Variants in PRDM5 observed in about 807,000 individuals in gnomAD.
PRDM5 encodes PR domain zinc finger protein 5.
In PRDM5, 56 loss-of-function variants were observed where a neutral mutation model predicts 81.2. The observed-to-expected ratio is 0.69, with a 90% CI of 0.56 to 0.86. The LOEUF is 0.86. Among genes scored for constraint, PRDM5 ranks in the 40% least tolerant of loss-of-function variants. The pLI, the probability that PRDM5 is intolerant of heterozygous loss-of-function variation, is 0.00. For missense variants in PRDM5, 697 were observed against 770.1 expected, an observed-to-expected ratio of 0.91 and a Z score of 1.12; for synonymous variants, 267 against 256.4, an observed-to-expected ratio of 1.04 and a Z score of -0.39.
intron 3 of PRDM5, among the ~76,000 whole-genome samples, chr4:120,824,127 A>T (rs765699764): frequency 6.6e-6 from 1 of 152,180 alleles, no homozygotes; most frequent in Non-Finnish European, 1.5e-5. Context: ...ATTTTTTAAT[A>T]CATTACCCAG....
In PRDM5 at chr4:120,695,270, A is replaced by G. The variant is rs551558272; in HGVS notation, c.1734T>C (p.Cys578=). 44 of 1,613,336 alleles carry G rather than the reference A, an allele frequency of 2.7e-5. 1 individual carries two copies. In the South Asian group the frequency reaches 4.3e-4, roughly 16 times the overall value. Residue 578 remains cysteine (C), a synonymous_variant, in exon 16 of 16, where the codon TGT becomes TGC. Transcript: ENST00000264808. The part of the protein sequence containing the change: ...TGEKPFQCDV[C]DLAFSLKKML... ...TTTTCTTCAGGCTAAAAGCCAAATC[A>G]CAAACCTAGAAAAGACCCAAAGACC...
chr4:120,723,773 C>T (rs1030525784), intron 14 of PRDM5, among the ~76,000 whole-genome samples: 1 of 152,012 alleles, frequency 6.6e-6, no homozygotes, highest in Non-Finnish European at 1.5e-5. Flanking sequence ...GAATGGAAGT[C>T]AACTAAGAGA....
intron 3 of PRDM5, among the ~76,000 whole-genome samples, chr4:120,845,818 C>T (rs955017584): frequency 6.6e-6 from 1 of 152,166 alleles, no homozygotes; most frequent in African/African-American, 2.4e-5. Context: ...AAAGGATTGA[C>T]ATTCTAAATG....
chr4:120,747,814 AGAGAACTGC>A (rs1743364014), intron 14 of PRDM5, among the ~76,000 whole-genome samples: 1 of 152,240 alleles, frequency 6.6e-6, no homozygotes, highest in South Asian at 2.1e-4. Context: ...ACAAGGCTGG[AGAGAACTGC>A]GATCTTAGAA....
intron 4 of PRDM5, 92 bp from the exon 5 acceptor site, chr4:120,818,619 T>TTAAAATGA: frequency 9.2e-7 from 1 of 1,084,208 alleles, no homozygotes; most frequent in Non-Finnish European, 1.4e-6. Flanking sequence ...ATTAATTAAT[T>TTAAAATGA]GTGCTTAATG....
intron 8 of PRDM5, among the ~76,000 whole-genome samples, chr4:120,801,137 C>T (rs1752063356): frequency 6.6e-6 from 1 of 152,136 alleles, no homozygotes; most frequent in African/African-American, 2.4e-5. Flanking sequence ...TTTGTTTCAA[C>T]CTCACTAAAG....
Position 120,734,391 on chromosome 4 carries a change from AACACACAC to A in PRDM5, c.1623+20154_1623+20161del, listed in dbSNP as rs71597096. Reference sequence around the variant, plus strand: ...ACTAGCTCCAGTGAGATGTTAGTGGAACACACACACACACACACACACACACAAATACA... The same window carrying A: ...ACTAGCTCCAGTGAGATGTTAGTGGAACACACACACACACACACAAATACA... On this transcript the variant is annotated intron_variant, in intron 14 of 15. Coordinates refer to ENST00000264808, the MANE Select transcript of PRDM5 (RefSeq NM_018699.4). 2.4e-4 allele frequency among the ~76,000 whole-genome samples: 36 copies of A among 147,604 alleles called. No homozygotes were observed. In the East Asian group the frequency reaches 3.8e-3, roughly 16 times the overall value.
chr4:120,704,985 C>A (rs1735904634), intron 15 of PRDM5, among the ~76,000 whole-genome samples: 1 of 152,154 alleles, frequency 6.6e-6, no homozygotes, highest in East Asian at 1.9e-4. Context: ...GAAACAAATC[C>A]TGGAAATCAT....
At chr4:120,712,001 T>C (rs1014955521) in intron 14 of PRDM5, among the ~76,000 whole-genome samples, 1 of 152,110 alleles carries the variant, frequency 6.6e-6, no homozygotes. Flanking sequence ...ATAAACATTC[T>C]TGGGCTGGGC....
intron 14 of PRDM5, among the ~76,000 whole-genome samples, chr4:120,714,483 G>A (rs549655420): frequency 6.6e-6 from 1 of 152,174 alleles, no homozygotes; most frequent in East Asian, 1.9e-4. Flanking sequence ...ACCTTTAGAA[G>A]TTTTATTTGC....
In PRDM5 at chr4:120,777,181, T is replaced by G; in HGVS notation, c.1537+7A>C. On this transcript the variant is annotated splice_region_variant and intron_variant, in intron 13 of 15. Transcript: ENST00000264808. ...TTTTTTCACTAGTCTAATTACAATC[T>G]CCATACCTGTGTGGCTCCGGATATG... The G allele has an allele frequency of 6.2e-7, 1 of 1,613,258 alleles. No individual in the cohort carries two copies. The highest frequency in any genetic ancestry group is 8.5e-7 in the Non-Finnish European group (1 of 1,179,412).
In PRDM5 at chr4:120,880,311, T is replaced by C. The variant is rs139863659; in HGVS notation, c.178-26771A>G. 1.6e-4 allele frequency among the ~76,000 whole-genome samples: 25 copies of C among 152,294 alleles called. No individual in the cohort carries two copies. The East Asian group carries it at 4.8e-3, about 29-fold the overall frequency. On this transcript the variant is annotated intron_variant, in intron 2 of 15. Coordinates refer to ENST00000264808, the MANE Select transcript of PRDM5 (RefSeq NM_018699.4). ...TCACTTTCTCCATAAATATGACCTA[T>C]ACTTCTCTCTAAATTTGCCATGAGC... is the stretch of plus-strand genomic sequence containing the variant.
chr4:120,802,437 C>T (rs1047037327), intron 8 of PRDM5, among the ~76,000 whole-genome samples: 8 of 152,192 alleles, frequency 5.3e-5, no homozygotes, highest in African/African-American at 1.2e-4. Context: ...CCCAAGTAGC[C>T]TAACTGGGAG....
Position 120,798,362 on chromosome 4 carries a change from C to T in PRDM5, c.1093G>A (p.Ala365Thr), listed in dbSNP as rs1411215677. 1 of 1,613,302 alleles carries T rather than the reference C, an allele frequency of 6.2e-7. No homozygotes were observed. Among genetic ancestry groups the T allele is most frequent in the South Asian group, 1.1e-5 (1 of 91,056 alleles). ...KSFKRLDQVGAHKVIHSEDKP... is the reference protein window; with the variant it reads ...KSFKRLDQVGTHKVIHSEDKP... ...TCTTCGCTGTGTATTACTTTGTGAG[C>T]ACCCACTTGATCAAGCCTCTTGAAA... Residue 365 changes from alanine (A) to threonine (T), a missense_variant, in exon 10 of 16, where the codon GCT (alanine) becomes ACT (threonine). Ala to Thr is a moderately conservative substitution (Grantham distance 58). Transcript: ENST00000264808.
At chr4:120,776,788 CA>C (rs1170308635) in intron 13 of PRDM5, among the ~76,000 whole-genome samples, 1 of 152,102 alleles carries the variant, frequency 6.6e-6, no homozygotes, top group East Asian at 1.9e-4. Flanking sequence ...TAAAATCCTA[CA>C]GCATTCAAGC....
At chr4:120,789,577 T>G (rs1750274694) in intron 10 of PRDM5, among the ~76,000 whole-genome samples, 2 of 152,140 alleles carry the variant, frequency 1.3e-5, no homozygotes, top group African/African-American at 4.8e-5. Context: ...CGATTATTTT[T>G]ATAGAGTTTT....
At chr4:120,879,507 T>C (rs1268006761) in intron 2 of PRDM5, among the ~76,000 whole-genome samples, 2 of 152,210 alleles carry the variant, frequency 1.3e-5, no homozygotes, top group Admixed American at 6.5e-5. Flanking sequence ...GTGACAAGGA[T>C]GAAGACCTTT....
At chr4:120,901,827 T>C (rs1380207976) in intron 2 of PRDM5, among the ~76,000 whole-genome samples, 1 of 152,208 alleles carries the variant, frequency 6.6e-6, no homozygotes, top group African/African-American at 2.4e-5. Flanking sequence ...GACCACCCAG[T>C]GTACTGAACT....
At chr4:120,774,902 A>ATATATGTATGTATATG (rs1747877070) in intron 13 of PRDM5, among the ~76,000 whole-genome samples, 1 of 146,052 alleles carries the variant, frequency 6.8e-6, no homozygotes, top group East Asian at 2.0e-4. Context: ...ATATATATAT[A>ATATATGTATGTATATG]TATATGTATA....
Sources: gnomAD v4.1 joint callset for allele counts (sites outside exome capture counted in the v4.1 genomes callset) on GRCh38, gnomAD v4.1.1 for gene constraint, MANE v1.5 for transcripts, NCBI Gene and HGNC (gene_info 2026-07-23, HGNC 2026-07-21) for gene names.